The following MAP3K20 variants were observed in gnomAD, a reference collection of about 807,000 sequenced individuals.
MAP3K20 encodes the protein HCCS-4.
A neutral mutation model predicts 85.7 loss-of-function variants in MAP3K20; 40 were observed. The observed-to-expected ratio is 0.47, with a 90% CI of 0.36 to 0.61. MAP3K20 has a LOEUF of 0.61. Ranked by LOEUF, MAP3K20 falls within the 20% of genes least tolerant of loss-of-function variation. The pLI is 0.00. For missense variants in MAP3K20, 817 were observed against 961.7 expected (o/e 0.85, Z 1.99); for synonymous variants, 325 against 327.7 (o/e 0.99, Z 0.09).
At chr2:173,123,876 G>T (rs955418689) in intron 2 of MAP3K20, among the ~76,000 whole-genome samples, 6 of 152,050 alleles carry the variant, frequency 3.9e-5, no homozygotes, top group African/African-American at 1.4e-4. Context: ...TTAGACTTGG[G>T]CTGGGGGTTA....
chr2:173,249,800 A>T (rs903989185), intron 16 of MAP3K20, among the ~76,000 whole-genome samples: 1 of 152,256 alleles, frequency 6.6e-6, no homozygotes, highest in African/African-American at 2.4e-5. Context: ...TTAAGGGGAA[A>T]AAAGCCCTTT....
intron 16 of MAP3K20, among the ~76,000 whole-genome samples, chr2:173,245,306 A>G (rs1019451357): frequency 7.9e-5 from 12 of 152,180 alleles, no homozygotes; most frequent in Admixed American, 3.3e-4. Flanking sequence ...TGATGGCACA[A>G]AGCGAGGTTG....
intron 1 of MAP3K20, 107 bp from the exon 2 acceptor site, chr2:173,090,891 C>A: frequency 1.5e-6 from 2 of 1,376,854 alleles, no homozygotes; most frequent in Non-Finnish European, 1.9e-6. Flanking sequence ...CCGTGACTTT[C>A]TGGAAGTTTC....
At chr2:173,197,833 T>C in intron 7 of MAP3K20, 193 bp from the exon 8 acceptor site, 3 of 292,224 alleles carry the variant, frequency 1.0e-5, no homozygotes, top group Non-Finnish European at 1.9e-5. Flanking sequence ...GGTTTTTTCT[T>C]TATAAAAAAG....
At chr2:173,151,103 A>T (rs551490636) in intron 2 of MAP3K20, among the ~76,000 whole-genome samples, 93 of 152,326 alleles carry the variant, frequency 6.1e-4, no homozygotes, top group Non-Finnish European at 1.1e-3. Context: ...ACTAGGCTAC[A>T]GTTTAGCTTG....
intron 11 of MAP3K20, among the ~76,000 whole-genome samples, chr2:173,220,973 A>AAT (rs1328764320): frequency 6.6e-6 from 1 of 152,222 alleles, no homozygotes. Flanking sequence ...AATTATGGCA[A>AAT]ATATGCTGGA....
intron 16 of MAP3K20, 66 bp downstream of exon 16, chr2:173,239,562 T>C: frequency 6.9e-7 from 1 of 1,455,362 alleles, no homozygotes; most frequent in Non-Finnish European, 9.4e-7. Flanking sequence ...CTTCTGTAAC[T>C]CCATGGTTTT....
intron 2 of MAP3K20, among the ~76,000 whole-genome samples, chr2:173,116,598 C>CT: frequency 6.6e-6 from 1 of 152,326 alleles, no homozygotes; most frequent in South Asian, 2.1e-4. Context: ...AGGCTCATTT[C>CT]TTCATCTGGC....
chr2:173,210,556 A>T (rs549103231), intron 10 of MAP3K20: 1 of 150,806 alleles, frequency 6.6e-6, no homozygotes, highest in East Asian at 2.0e-4. Context: ...AAAACTTGAT[A>T]TCATAAATCC....
chr2:173,161,206 G>A (rs1689647344), intron 2 of MAP3K20, among the ~76,000 whole-genome samples: 1 of 152,244 alleles, frequency 6.6e-6, no homozygotes. Flanking sequence ...TTGGGCAACA[G>A]TGCCTACAAA....
rs762262989 is a variant in MAP3K20 at position 173,263,912 on chromosome 2, G to A, written c.1702+17G>A. On this transcript the variant is annotated intron_variant, in intron 19 of 19. Transcript: ENST00000375213. ...CCGACTCAAGTAAGTTAGTGTTCCC[G>A]TATTAGATGTGTGCTAGATTCCAGA... The A allele has an allele frequency of 2.1e-5, 33 of 1,597,952 alleles. No homozygotes were observed. The highest frequency in any genetic ancestry group is 5.4e-5 in the African/African-American group (4 of 73,918).
At position 173,256,526 on chromosome 2, in the gene MAP3K20, T is replaced by TAGAC. The variant is rs1210473187; in HGVS notation, c.1360-2170_1360-2169insCAGA. ...ATAGATAGATAGATAGATAGATAGA[T>TAGAC]AGATAGACAGACAGACAGACAGATA... On this transcript the variant is annotated intron_variant, in intron 16 of 19. Transcript: ENST00000375213. 2.8e-3 allele frequency among the ~76,000 whole-genome samples: 288 copies of TAGAC among 101,496 alleles called. 2 individuals are homozygous for TAGAC. The highest frequency in any genetic ancestry group is 0.019 in the East Asian group (82 of 4,398). The allele number at this position is 101,496 out of a possible 152,430, so 66.6% of individuals were successfully genotyped here.
intron 19 of MAP3K20, among the ~76,000 whole-genome samples, chr2:173,265,529 A>T (rs1417841239): frequency 6.6e-6 from 1 of 152,172 alleles, no homozygotes; most frequent in Non-Finnish European, 1.5e-5. Flanking sequence ...AACCTTCGGA[A>T]CCTCATTTCT....
At chr2:173,082,604 G>A (rs1282360988) in intron 1 of MAP3K20, among the ~76,000 whole-genome samples, 1 of 152,208 alleles carries the variant, frequency 6.6e-6, no homozygotes, top group Non-Finnish European at 1.5e-5. Context: ...GCGAACTGAA[G>A]TGAGCCTTGT....
intron 14 of MAP3K20, among the ~76,000 whole-genome samples, chr2:173,237,650 G>A (rs1684685436): frequency 1.3e-5 from 2 of 152,154 alleles, no homozygotes; most frequent in South Asian, 4.1e-4. Context: ...CATTGGCAGA[G>A]GGGATGTTGG....
Position 173,179,704 on chromosome 2 carries a change from G to GCGCACACA in MAP3K20, c.248-3149_248-3148insGCACACAC, listed in dbSNP as rs374335619. On this transcript the variant is annotated intron_variant, in intron 3 of 19. Coordinates refer to ENST00000375213, the MANE Select transcript of MAP3K20 (RefSeq NM_016653.3). Reference sequence around the variant, plus strand: ...ATAGGTAGAAAATCCTAAGGAATGCGCACACACACACACACACACACACAC... The same window carrying GCGCACACA: ...ATAGGTAGAAAATCCTAAGGAATGCGCGCACACACACACACACACACACACACACACAC... Among the ~76,000 whole-genome samples the GCGCACACA allele has an allele frequency of 6.2e-3, 904 of 146,156 alleles. 3 individuals are homozygous for GCGCACACA. The highest frequency in any genetic ancestry group is 0.039 in the East Asian group (190 of 4,830).
At chr2:173,099,299 TTTTG>T (rs147258331) in intron 2 of MAP3K20, among the ~76,000 whole-genome samples, 18,885 of 148,700 alleles carry the variant, frequency 0.13, 1,757 homozygotes, top group African/African-American at 0.26. Context: ...CTTCTGTTGT[TTTTG>T]TTTGTTTGTT....
chr2:173,175,092 C>G (rs1177907443), intron 3 of MAP3K20, among the ~76,000 whole-genome samples: 1 of 152,148 alleles, frequency 6.6e-6, no homozygotes, highest in African/African-American at 2.4e-5. Flanking sequence ...CTCCCTACTT[C>G]CCTCCCTCTC....
intron 2 of MAP3K20, among the ~76,000 whole-genome samples, chr2:173,165,515 C>T (rs930295435): frequency 6.6e-6 from 1 of 152,116 alleles, no homozygotes; most frequent in Non-Finnish European, 1.5e-5. Flanking sequence ...ATACTTAGAC[C>T]GTAGTTTGTA....
Sources: allele counts gnomAD v4.1 joint callset (sites outside exome capture counted in the v4.1 genomes callset), GRCh38; gene constraint gnomAD v4.1.1; transcripts MANE v1.5; gene names NCBI Gene and HGNC (gene_info 2026-07-23, HGNC 2026-07-21).